KALRN: variants seen among roughly 807,000 people sequenced by gnomAD.
KALRN encodes kalirin.
A neutral mutation model predicts 353.7 loss-of-function variants in KALRN; 70 were observed. The ratio of observed to expected loss-of-function variants is 0.20; its 90% CI spans 0.16 to 0.24. The LOEUF is 0.24. Among genes scored for constraint, KALRN ranks in the 10% least tolerant of loss-of-function variants. The probability of loss-of-function intolerance (pLI) is 1.00; values close to 1 mark genes in which losing one functional copy is unlikely to be tolerated. For missense variants in KALRN, 2,791 were observed against 3,756.7 expected (o/e 0.74, Z 6.72); for synonymous variants, 1,391 against 1,434.8 (o/e 0.97, Z 0.69).
At chr3:124,387,991 T>C (rs1255989657) in intron 11 of KALRN, among the ~76,000 whole-genome samples, 1 of 152,086 alleles carries the variant, frequency 6.6e-6, no homozygotes. Context: ...AAGGTGTGTG[T>C]GTATGTATAC....
At chr3:124,704,599 G>T (rs1274343327) in intron 57 of KALRN, among the ~76,000 whole-genome samples, 3 of 151,906 alleles carry the variant, frequency 2.0e-5, no homozygotes, top group Non-Finnish European at 4.4e-5. Flanking sequence ...CCAGGCTTGA[G>T]TGCAGTGGCA....
chr3:124,698,011 C>T (rs2062135948), intron 55 of KALRN, among the ~76,000 whole-genome samples: 1 of 152,018 alleles, frequency 6.6e-6, no homozygotes. Context: ...CTCCATCAAC[C>T]CAGGCTGGAG....
chr3:124,261,703 A>G (rs2072890319), intron 3 of KALRN, among the ~76,000 whole-genome samples: 1 of 152,212 alleles, frequency 6.6e-6, no homozygotes, highest in Non-Finnish European at 1.5e-5. Flanking sequence ...GTTGTTAGGG[A>G]CAAAGAATTC....
chr3:124,546,616 A>G (rs1197822121), intron 33 of KALRN, among the ~76,000 whole-genome samples: 2 of 152,118 alleles, frequency 1.3e-5, no homozygotes, highest in Admixed American at 1.3e-4. Flanking sequence ...TGCCTCCTTC[A>G]CCATGGAAAC....
intron 1 of KALRN, among the ~76,000 whole-genome samples, chr3:124,127,794 A>G (rs2064853362): frequency 6.6e-6 from 1 of 152,210 alleles, no homozygotes; most frequent in Admixed American, 6.5e-5. Context: ...AACCCTCTAG[A>G]GTAATGCAAA....
chr3:124,196,512 A>G (rs1313715465), intron 1 of KALRN, among the ~76,000 whole-genome samples: 1 of 152,074 alleles, frequency 6.6e-6, no homozygotes, highest in African/African-American at 2.4e-5. Flanking sequence ...CATTTCCCTT[A>G]GAGCTTTTTT....
chr3:124,594,047 G>A (rs1347817637), intron 34 of KALRN, among the ~76,000 whole-genome samples: 3 of 151,988 alleles, frequency 2.0e-5, no homozygotes, highest in Non-Finnish European at 4.4e-5. Flanking sequence ...TCAAAACTTA[G>A]GCAAACAAAA....
chr3:124,336,818 T>C (rs1450475077), intron 9 of KALRN, among the ~76,000 whole-genome samples: 1 of 152,186 alleles, frequency 6.6e-6, no homozygotes, highest in African/African-American at 2.4e-5. Context: ...TATTTCCTTC[T>C]GCAGTGGTTT....
At chr3:124,224,692 A>T (rs1160319743) in intron 1 of KALRN, among the ~76,000 whole-genome samples, 1 of 152,232 alleles carries the variant, frequency 6.6e-6, no homozygotes. Flanking sequence ...CTGGGGGACA[A>T]ATGGGCCAGG....
At chr3:124,425,675 C>T (rs1393516277) in intron 15 of KALRN, among the ~76,000 whole-genome samples, 3 of 152,148 alleles carry the variant, frequency 2.0e-5, no homozygotes, top group African/African-American at 7.2e-5. Context: ...TATAAATTTG[C>T]TTTTGTTCCT....
At chr3:124,035,006 G>A (rs2039285202) in intron 1 of KALRN, among the ~76,000 whole-genome samples, 1 of 152,122 alleles carries the variant, frequency 6.6e-6, no homozygotes, top group Non-Finnish European at 1.5e-5. Flanking sequence ...GGGGAGACTT[G>A]TGGCTTTGGA....
chr3:124,235,639 T>A (rs1485912206), intron 3 of KALRN, among the ~76,000 whole-genome samples: 1 of 150,632 alleles, frequency 6.6e-6, no homozygotes, highest in African/African-American at 2.4e-5. Context: ...ATGTGTGTGG[T>A]TCACAAGGGT....
chr3:124,716,650 AAGT>A (rs1369446561), intron 58 of KALRN, among the ~76,000 whole-genome samples: 3 of 152,244 alleles, frequency 2.0e-5, no homozygotes, highest in African/African-American at 7.2e-5. Flanking sequence ...TGACAAATGA[AAGT>A]AGTTTGGCTA....
chr3:124,679,957 A>G (rs1210827902), intron 51 of KALRN, among the ~76,000 whole-genome samples: 1 of 151,960 alleles, frequency 6.6e-6, no homozygotes, highest in African/African-American at 2.4e-5. Context: ...TTAGCCCTTT[A>G]TCCTCTTCAT....
intron 1 of KALRN, among the ~76,000 whole-genome samples, chr3:124,169,723 T>C (rs1578899078): frequency 6.6e-6 from 1 of 152,226 alleles, no homozygotes; most frequent in South Asian, 2.1e-4. Context: ...TATGTGTTTG[T>C]GAGAGAGACA....
chr3:124,461,031 C>T (rs594654), intron 23 of KALRN, among the ~76,000 whole-genome samples: 150,689 of 152,308 alleles, frequency 0.99, 74,556 homozygotes, highest in East Asian at 1. Flanking sequence ...GGAAATAGTA[C>T]TGAAATAGCT....
At chr3:124,666,309 C>T in intron 45 of KALRN, 140 bp from the exon 46 acceptor site, 2 of 740,212 alleles carry the variant, frequency 2.7e-6, no homozygotes, top group Non-Finnish European at 4.4e-6. Context: ...GGTCCTAATT[C>T]AGTCTCTTCC....
intron 1 of KALRN, among the ~76,000 whole-genome samples, chr3:124,206,643 C>T (rs2076436644): frequency 1.3e-5 from 2 of 152,168 alleles, no homozygotes; most frequent in Non-Finnish European, 2.9e-5. Flanking sequence ...GCTTCATTCC[C>T]ACAGTTAGAC....
chr3:124,145,748 T>C (rs1308152303), intron 1 of KALRN, among the ~76,000 whole-genome samples: 1 of 152,240 alleles, frequency 6.6e-6, no homozygotes, highest in African/African-American at 2.4e-5. Flanking sequence ...AGAAGCCAGC[T>C]TTTCTGATGA....
Sources: allele counts gnomAD v4.1 joint callset (sites outside exome capture counted in the v4.1 genomes callset), GRCh38; gene constraint gnomAD v4.1.1; transcripts MANE v1.5; gene names NCBI Gene and HGNC (gene_info 2026-07-23, HGNC 2026-07-21).